Variants in EXOSC4 observed in about 807,000 individuals in gnomAD.
The protein encoded by EXOSC4 is exosome complex component RRP41.
Under a neutral mutation model 20.0 loss-of-function variants are expected in EXOSC4, and 14 were observed. The observed-to-expected ratio is 0.70, with a 90% CI of 0.46 to 1.09. The LOEUF (loss-of-function observed/expected upper bound fraction) is 1.09, where lower values mean the gene tolerates loss of function less well. Ranked by LOEUF, EXOSC4 falls within the 50% of genes least tolerant of loss-of-function variation. The pLI is 0.00. For missense variants in EXOSC4, 337 were observed against 334.0 expected, an observed-to-expected ratio of 1.01 and a Z score of -0.07; for synonymous variants, 148 against 146.4, an observed-to-expected ratio of 1.01 and a Z score of -0.08.
chr8:144,074,454 T>C (rs1322675973), upstream of EXOSC4, among the ~76,000 whole-genome samples: 2 of 152,190 alleles, frequency 1.3e-5, no homozygotes, highest in South Asian at 4.1e-4. Context: ...CTGCATGTCA[T>C]GACACAACAA....
chr8:144,076,665 C>T (rs147853578), upstream of EXOSC4, among the ~76,000 whole-genome samples: 148 of 152,330 alleles, frequency 9.7e-4, no homozygotes, highest in African/African-American at 3.4e-3. Context: ...CTTTGGACAC[C>T]TTAGGCTGAA....
upstream of EXOSC4, chr8:144,078,571 A>C (rs971321276): frequency 1.2e-5 from 9 of 742,632 alleles, no homozygotes; most frequent in Middle Eastern, 4.3e-4. The surrounding 1 kb of genome is among the most constrained non-coding windows in gnomAD (Gnocchi z 4.7). Flanking sequence ...CCGCAGATCC[A>C]CGGAGGTCAG....
In EXOSC4 at chr8:144,078,782, C is replaced by T. The variant is rs1554763062; in HGVS notation, c.54C>T (p.Arg18=). 3.9e-6 allele frequency: 6 copies of T among 1,546,164 alleles called. No homozygotes were observed. The highest frequency in any genetic ancestry group is 2.0e-5 in the Admixed American group (1 of 50,472). Reference sequence around the variant, plus strand: ...AGGGCTACCGGGTGGACGGGCGGCGCGCCGGGGAGCTGCGCAAGATCCAGG... The same window carrying T: ...AGGGCTACCGGGTGGACGGGCGGCGTGCCGGGGAGCTGCGCAAGATCCAGG... ...SDQGYRVDGR[R]AGELRKIQAR... The change falls in exon 1 of 3, where the codon CGC becomes CGT. Residue 18 remains arginine, a synonymous_variant. Coordinates refer to ENST00000316052, the MANE Select transcript of EXOSC4 (RefSeq NM_019037.3). The surrounding 1 kb of genome is among the most constrained non-coding windows in gnomAD (Gnocchi z 4.7).
the EXOSC4 span, among the ~76,000 whole-genome samples, chr8:144,066,894 C>T: frequency 6.6e-6 from 1 of 152,012 alleles, no homozygotes; most frequent in Non-Finnish European, 1.5e-5. Flanking sequence ...TTGAGGCCAG[C>T]CGGACCAACG....
chr8:144,067,921 G>T, the EXOSC4 span, among the ~76,000 whole-genome samples: 1 of 152,200 alleles, frequency 6.6e-6, no homozygotes, highest in Non-Finnish European at 1.5e-5. Flanking sequence ...CCGGAGAATC[G>T]CTTGAACCCA....
At position 144,078,678 on chromosome 8, in the gene EXOSC4, C is replaced by T. The variant is rs781849408; in HGVS notation, c.-51C>T. On this transcript the variant is annotated 5_prime_UTR_variant, in exon 1 of 3. Coordinates refer to ENST00000316052, the MANE Select transcript of EXOSC4 (RefSeq NM_019037.3). The surrounding 1 kb of genome is among the most constrained non-coding windows in gnomAD (Gnocchi z 4.7). ...GTCGGAGCCGCCGGGAGCTGTAGTT[C>T]TCCCGCGGCTCAGAGAAGTAGGCAG... 6.7e-6 allele frequency: 9 copies of T among 1,349,014 alleles called. No homozygotes were observed. Among genetic ancestry groups the T allele is most frequent in the East Asian group, 3.1e-5 (1 of 32,248 alleles). The allele number at this position is 1,349,014 out of a possible 1,614,324, so 83.6% of individuals were successfully genotyped here. A position where few individuals can be genotyped will look rare whatever the true frequency, so the allele number is the denominator to read the frequency against.
the EXOSC4 span, among the ~76,000 whole-genome samples, chr8:144,068,331 C>T: frequency 1.7e-3 from 266 of 152,300 alleles, 1 homozygote; most frequent in Non-Finnish European, 3.2e-3. Context: ...TCAGAATGGC[C>T]GCCCTGCAGA....
chr8:144,067,828 T>G, the EXOSC4 span, among the ~76,000 whole-genome samples: 1 of 152,118 alleles, frequency 6.6e-6, no homozygotes, highest in African/African-American at 2.4e-5. Context: ...ACTAACATGG[T>G]GAAACCCCAT....
At chr8:144,065,135 G>A in the EXOSC4 span, among the ~76,000 whole-genome samples, 5 of 151,982 alleles carry the variant, frequency 3.3e-5, no homozygotes, top group South Asian at 2.1e-4. Flanking sequence ...GTGAGCCACC[G>A]CGCCCAGCCT....
At chr8:144,068,967 G>C in the EXOSC4 span, among the ~76,000 whole-genome samples, 90 of 152,380 alleles carry the variant, frequency 5.9e-4, 1 homozygote, top group African/African-American at 1.9e-3. Flanking sequence ...GCTGGCTGCT[G>C]CATGGGGCTG....
intron 1 of EXOSC4, 84 bp from the exon 2 acceptor site, chr8:144,079,859 G>A: frequency 7.5e-7 from 1 of 1,335,404 alleles, no homozygotes; most frequent in Non-Finnish European, 1.1e-6. Context: ...GGCATTGAAA[G>A]TGGAGGGAGA....
chr8:144,065,467 A>C, the EXOSC4 span, among the ~76,000 whole-genome samples: 2 of 151,934 alleles, frequency 1.3e-5, no homozygotes, highest in African/African-American at 4.8e-5. Context: ...AGGGGCTCAC[A>C]CCTGTAATCC....
rs1363381569 is a variant in EXOSC4 at position 144,080,102 on chromosome 8, A to G, written c.331A>G (p.Ile111Val). The G allele has an allele frequency of 5.6e-6, 9 of 1,613,942 alleles. No individual in the cohort carries two copies. Among genetic ancestry groups the G allele is most frequent in the Admixed American group, 5.0e-5 (3 of 60,004 alleles). Residue 111 changes from isoleucine to valine, a missense_variant, in exon 2 of 3, where the codon ATC (isoleucine) becomes GTC (valine). Physicochemically the swap from Ile to Val is conservative, Grantham distance 29. Coordinates refer to ENST00000316052, the MANE Select transcript of EXOSC4 (RefSeq NM_019037.3). The surrounding 1 kb of genome is among the most constrained non-coding windows in gnomAD (Gnocchi z 4.9). Reference sequence around the variant, plus strand: ...GCTCCGCCAGACTTTCGAAGCAGCCATCCTCACACAGCTGCACCCACGCTC... The same window carrying G: ...GCTCCGCCAGACTTTCGAAGCAGCCGTCCTCACACAGCTGCACCCACGCTC... ...LQLRQTFEAA[I>V]LTQLHPRSQI...
At chr8:144,068,393 G>T in the EXOSC4 span, among the ~76,000 whole-genome samples, 2 of 152,112 alleles carry the variant, frequency 1.3e-5, no homozygotes, top group African/African-American at 4.8e-5. Context: ...TATAAACCTC[G>T]CCATTCTTCA....
the EXOSC4 span, among the ~76,000 whole-genome samples, chr8:144,070,466 G>C: frequency 6.6e-6 from 1 of 151,292 alleles, no homozygotes; most frequent in Non-Finnish European, 1.5e-5. Flanking sequence ...GGAGGTTGCA[G>C]TGAGCCAAGA....
At position 144,079,955 on chromosome 8, in the gene EXOSC4, C is replaced by T. The variant is rs782163750; in HGVS notation, c.184C>T (p.Arg62Trp). Residue 62 changes from arginine to tryptophan, a missense_variant, in exon 2 of 3, where the codon CGG becomes TGG. Coordinates refer to ENST00000316052, the MANE Select transcript of EXOSC4 (RefSeq NM_019037.3). ...TGTCCTCTTCCAGATCCGGGGCTCC[C>T]GGGCTCGAGCCCTGCCGGACAGGGC... ...VYGPHEIRGSRARALPDRALV... is the reference protein window; with the variant it reads ...VYGPHEIRGSWARALPDRALV... 12 of 1,613,874 alleles carry T rather than the reference C, an allele frequency of 7.4e-6. No individual in the cohort carries two copies. Among genetic ancestry groups the T allele is most frequent in the Non-Finnish European group, 1.0e-5 (12 of 1,180,030 alleles).
upstream of EXOSC4, among the ~76,000 whole-genome samples, chr8:144,075,236 T>A (rs1554762586): frequency 6.6e-6 from 1 of 151,560 alleles, no homozygotes; most frequent in Non-Finnish European, 1.5e-5. Context: ...TTAATTTTTT[T>A]TTTTTTTTGA....
the EXOSC4 span, among the ~76,000 whole-genome samples, chr8:144,071,247 TC>T: frequency 1.5e-4 from 1 of 6,606 alleles, no homozygotes; most frequent in Non-Finnish European, 2.6e-4. Context: ...CCCCTTCCCC[TC>T]CCCCCTCCCC....
chr8:144,068,917 C>G, the EXOSC4 span, among the ~76,000 whole-genome samples: 1 of 152,244 alleles, frequency 6.6e-6, no homozygotes. Context: ...CGCCCACCCC[C>G]AGGTCCACAG....
Sources: gnomAD v4.1 joint callset for allele counts (sites outside exome capture counted in the v4.1 genomes callset) on GRCh38, gnomAD v4.1.1 for gene constraint, Gnocchi (gnomAD v3.1) non-coding constraint, MANE v1.5 for transcripts, NCBI Gene and HGNC (gene_info 2026-07-23, HGNC 2026-07-21) for gene names.